KCNJ4: variants seen among roughly 807,000 people sequenced by gnomAD.
KCNJ4 encodes the protein inward rectifier potassium channel 4.
In KCNJ4, 3 loss-of-function variants were observed where a neutral mutation model predicts 25.6. The ratio of observed to expected loss-of-function variants is 0.12; its 90% CI spans 0.05 to 0.30. The LOEUF (loss-of-function observed/expected upper bound fraction) is 0.30, where lower values mean the gene tolerates loss of function less well. KCNJ4 is among the 10% of genes least tolerant of loss of function. KCNJ4 has a pLI of 1.00. For missense variants in KCNJ4, 286 were observed against 666.8 expected (o/e 0.43, Z 6.29); for synonymous variants, 257 against 283.9 (o/e 0.91, Z 0.95).
intron 1 of KCNJ4, among the ~76,000 whole-genome samples, chr22:38,451,153 C>G (rs183193403): frequency 4.3e-4 from 66 of 152,344 alleles, no homozygotes; most frequent in African/African-American, 1.4e-3. Context: ...AGCGGGGAAG[C>G]GATGGGCACT....
At chr22:38,448,247 A>T (rs1353171347) in intron 1 of KCNJ4, among the ~76,000 whole-genome samples, 32 of 123,638 alleles carry the variant, frequency 2.6e-4, no homozygotes, top group African/African-American at 1.0e-3. Flanking sequence ...ACTCCGTCTT[A>T]AAAAAAAAAA....
At position 38,430,071 on chromosome 22, in the gene KCNJ4, C is replaced by T. The variant is rs978417490; in HGVS notation, c.-39-1900G>A. Among the ~76,000 whole-genome samples the T allele has an allele frequency of 2.0e-5, 3 of 152,136 alleles. No individual in the cohort carries two copies. In the East Asian group the frequency reaches 5.8e-4, roughly 29 times the overall value. Reference sequence around the variant, plus strand: ...CACCTCCTCCCCCGCGGTCACCCACCCTGACTCCGAGTTCTTCTCCCTATT... The same window carrying T: ...CACCTCCTCCCCCGCGGTCACCCACTCTGACTCCGAGTTCTTCTCCCTATT... On this transcript the variant is annotated intron_variant, in intron 1 of 1. Transcript: ENST00000303592.
chr22:38,429,083 C>CAAAAAA (rs10582408), intron 1 of KCNJ4, among the ~76,000 whole-genome samples: 1 of 108,884 alleles, frequency 9.2e-6, no homozygotes, highest in African/African-American at 3.4e-5. Context: ...GACCCCATGT[C>CAAAAAA]AAAAAAAAAA....
chr22:38,445,349 T>G (rs1457211512), intron 1 of KCNJ4, among the ~76,000 whole-genome samples: 1 of 152,084 alleles, frequency 6.6e-6, no homozygotes, highest in African/African-American at 2.4e-5. Context: ...GAACCAAACA[T>G]CCAGGGAAAT....
intron 1 of KCNJ4, among the ~76,000 whole-genome samples, chr22:38,442,382 A>G (rs1257747593): frequency 6.6e-6 from 1 of 151,884 alleles, no homozygotes; most frequent in Admixed American, 6.6e-5. Flanking sequence ...CCCCATCTCT[A>G]TTAAAATTCA....
At chr22:38,452,844 G>A (rs997360726) in intron 1 of KCNJ4, among the ~76,000 whole-genome samples, 3 of 151,472 alleles carry the variant, frequency 2.0e-5, no homozygotes, top group African/African-American at 7.3e-5. Flanking sequence ...CTTCTCCCCG[G>A]ACCCCTTGAG....
At chr22:38,454,648 C>G (rs2089428851) in intron 1 of KCNJ4, among the ~76,000 whole-genome samples, 1 of 152,140 alleles carries the variant, frequency 6.6e-6, no homozygotes, top group African/African-American at 2.4e-5. Context: ...TGCCTTGAAG[C>G]TCCCCGGCAT....
At chr22:38,434,339 C>T (rs1436678037) in intron 1 of KCNJ4, among the ~76,000 whole-genome samples, 2 of 152,210 alleles carry the variant, frequency 1.3e-5, no homozygotes, top group Non-Finnish European at 2.9e-5. Flanking sequence ...TCCAGCCCCT[C>T]TCAGGGAATT....
intron 1 of KCNJ4, among the ~76,000 whole-genome samples, chr22:38,435,304 C>T (rs1027829816): frequency 6.6e-6 from 1 of 152,204 alleles, no homozygotes; most frequent in Non-Finnish European, 1.5e-5. Flanking sequence ...CAGAGGGAGC[C>T]AGCACAGGGC....
chr22:38,432,858 C>G (rs958292260), intron 1 of KCNJ4, among the ~76,000 whole-genome samples: 3 of 152,062 alleles, frequency 2.0e-5, no homozygotes, highest in Admixed American at 2.0e-4. Context: ...GTAATCCCAG[C>G]TTCTCGGGAG....
chr22:38,427,691 G>A lies in KCNJ4; in HGVS notation c.442C>T (p.Leu148=), dbSNP rs775476453. 1.7e-5 allele frequency: 27 copies of A among 1,612,626 alleles called. No homozygotes were observed. In the Middle Eastern group the frequency reaches 6.6e-4, roughly 39 times the overall value. ...TGGACCACCACAGCGATGACTGCCAGCGGGCACTCCTCTGTCACGCACCGG... is the reference window on the plus strand; with the variant it reads ...TGGACCACCACAGCGATGACTGCCAACGGGCACTCCTCTGTCACGCACCGG... ...GFRCVTEECP[L]AVIAVVVQSI... is the part of the protein sequence containing the mutation. The change falls in exon 2 of 2, where the codon CTG becomes TTG. Residue 148 remains leucine, a synonymous_variant. Transcript: ENST00000303592.
chr22:38,437,086 T>G (rs1025117882), intron 1 of KCNJ4, among the ~76,000 whole-genome samples: 5 of 152,200 alleles, frequency 3.3e-5, no homozygotes, highest in African/African-American at 1.2e-4. Flanking sequence ...GAGACCAAGC[T>G]TTGGGCTCCA....
At chr22:38,447,188 A>G (rs2089381121) in intron 1 of KCNJ4, among the ~76,000 whole-genome samples, 1 of 152,090 alleles carries the variant, frequency 6.6e-6, no homozygotes, top group Non-Finnish European at 1.5e-5. Context: ...TGCTGAGAGC[A>G]GGCTGGGTTT....
chr22:38,432,280 T>TAAATAAATAAATAAATAAAATA (rs1555917613), intron 1 of KCNJ4, among the ~76,000 whole-genome samples: 5,683 of 146,672 alleles, frequency 0.039, 279 homozygotes, highest in African/African-American at 0.11. Flanking sequence ...AATAAATAAA[T>TAAATAAATAAATAAATAAAATA]AAATAAAATA....
At chr22:38,435,554 G>T (rs923270772) in intron 1 of KCNJ4, among the ~76,000 whole-genome samples, 2 of 152,120 alleles carry the variant, frequency 1.3e-5, no homozygotes, top group Admixed American at 1.3e-4. Flanking sequence ...TTAGCCAGGC[G>T]TGGTGGCAAG....
In KCNJ4 at chr22:38,438,169, G is replaced by C. The variant is rs529698519; in HGVS notation, c.-39-9998C>G. The stretch of plus-strand genomic sequence containing the variant: ...CAGGAGAATTGCTTGAACCTGGGAG[G>C]GGGGAGGTTGCAGTGAGCCGAGATC... On this transcript the variant is annotated intron_variant, in intron 1 of 1. Coordinates refer to ENST00000303592, the MANE Select transcript of KCNJ4 (RefSeq NM_152868.3). 2.2e-4 allele frequency among the ~76,000 whole-genome samples: 33 copies of C among 150,712 alleles called. No homozygotes were observed. In the South Asian group the frequency reaches 5.5e-3, roughly 25 times the overall value.
At chr22:38,433,964 G>T (rs899014852) in intron 1 of KCNJ4, among the ~76,000 whole-genome samples, 2 of 152,210 alleles carry the variant, frequency 1.3e-5, no homozygotes, top group African/African-American at 4.8e-5. Flanking sequence ...AAGCTGATCA[G>T]CTTGCAGCAG....
chr22:38,431,753 A>G (rs964255398), intron 1 of KCNJ4, among the ~76,000 whole-genome samples: 1 of 152,192 alleles, frequency 6.6e-6, no homozygotes, highest in African/African-American at 2.4e-5. Context: ...TCAGCTGCTA[A>G]TTCGAGGCTG....
At chr22:38,442,718 G>C (rs888304599) in intron 1 of KCNJ4, among the ~76,000 whole-genome samples, 39 of 152,136 alleles carry the variant, frequency 2.6e-4, no homozygotes, top group Non-Finnish European at 7.4e-5. Flanking sequence ...GCAGGGGTTT[G>C]TAAACTGTAA....
Sources: allele counts gnomAD v4.1 joint callset (sites outside exome capture counted in the v4.1 genomes callset), GRCh38; gene constraint gnomAD v4.1.1; transcripts MANE v1.5; gene names NCBI Gene and HGNC (gene_info 2026-07-23, HGNC 2026-07-21).